Variants in RTN1 observed in about 807,000 individuals in gnomAD.
RTN1 encodes the protein reticulon-1.
In RTN1, 25 loss-of-function variants were observed where a neutral mutation model predicts 65.5. The ratio of observed to expected loss-of-function variants is 0.38; its 90% CI spans 0.28 to 0.53. The LOEUF is 0.53. Ranked by LOEUF, RTN1 falls within the 20% of genes least tolerant of loss-of-function variation. The pLI is 0.79. For synonymous variants in RTN1, 471 were observed against 447.6 expected (o/e 1.05, Z -0.66); for missense variants, 983 against 1,025.4 (o/e 0.96, Z 0.57).
intron 1 of RTN1, among the ~76,000 whole-genome samples, chr14:59,746,688 A>T (rs532391996): frequency 6.6e-6 from 1 of 152,258 alleles, no homozygotes; most frequent in Admixed American, 6.5e-5. Context: ...TTTTCCAGTA[A>T]CAGACCCCAG....
intron 3 of RTN1, among the ~76,000 whole-genome samples, chr14:59,652,797 CT>C (rs1193625044): frequency 3.3e-5 from 5 of 151,872 alleles, no homozygotes; most frequent in Admixed American, 6.6e-5. Flanking sequence ...CATGTACCCC[CT>C]GAATCTAAAA....
chr14:59,765,766 TG>T (rs906323899), intron 1 of RTN1, among the ~76,000 whole-genome samples: 1 of 151,802 alleles, frequency 6.6e-6, no homozygotes, highest in Non-Finnish European at 1.5e-5. Context: ...TAAATGCTCA[TG>T]GTTTTTTTTT....
At chr14:59,751,429 G>A (rs995324296) in intron 1 of RTN1, among the ~76,000 whole-genome samples, 4 of 151,978 alleles carry the variant, frequency 2.6e-5, no homozygotes, top group African/African-American at 7.3e-5. Context: ...CCTCATTGGA[G>A]GCAGGGAAAT....
intron 1 of RTN1, among the ~76,000 whole-genome samples, chr14:59,748,217 T>G (rs570430584): frequency 2.9e-4 from 44 of 151,626 alleles, no homozygotes; most frequent in Middle Eastern, 3.4e-3. Context: ...GAGGTTTTTT[T>G]TTTTTTTTTT....
intron 3 of RTN1, among the ~76,000 whole-genome samples, chr14:59,653,961 C>T (rs1039611565): frequency 6.6e-6 from 1 of 152,014 alleles, no homozygotes. Context: ...TGCAGTGGCA[C>T]AATATCGGCT....
At chr14:59,733,961 C>T (rs746621180) in intron 2 of RTN1, among the ~76,000 whole-genome samples, 124 of 152,146 alleles carry the variant, frequency 8.2e-4, no homozygotes, top group Non-Finnish European at 1.6e-3. Context: ...GGTCTCCAGC[C>T]ACCACCTACA....
intron 1 of RTN1, among the ~76,000 whole-genome samples, chr14:59,749,160 C>A (rs77355431): frequency 0.44 from 24,208 of 54,774 alleles, 6,309 homozygotes; most frequent in African/African-American, 0.67. Flanking sequence ...CTATCTATAT[C>A]TATCTATATA....
At chr14:59,688,903 T>C (rs947732847) in intron 3 of RTN1, among the ~76,000 whole-genome samples, 1 of 152,090 alleles carries the variant, frequency 6.6e-6, no homozygotes, top group Non-Finnish European at 1.5e-5. Context: ...ATTCCAGCAC[T>C]ATGACAAATC....
At chr14:59,671,680 C>T (rs551628536) in intron 3 of RTN1, among the ~76,000 whole-genome samples, 6 of 152,164 alleles carry the variant, frequency 3.9e-5, no homozygotes, top group Non-Finnish European at 5.9e-5. Flanking sequence ...CACCTACTGA[C>T]ACTTTCTAAC....
chr14:59,759,286 A>C (rs1885701571), intron 1 of RTN1, among the ~76,000 whole-genome samples: 1 of 152,202 alleles, frequency 6.6e-6, no homozygotes, highest in Non-Finnish European at 1.5e-5. Flanking sequence ...TGCTCTGCAC[A>C]CTTAGTAAAT....
At chr14:59,699,164 T>C (rs1023161945) in intron 3 of RTN1, among the ~76,000 whole-genome samples, 5 of 152,126 alleles carry the variant, frequency 3.3e-5, no homozygotes, top group African/African-American at 9.7e-5. Flanking sequence ...CTTTTATCCT[T>C]TGAGCGCAGG....
chr14:59,815,251 G>A (rs1451080323), intron 1 of RTN1, among the ~76,000 whole-genome samples: 1 of 152,160 alleles, frequency 6.6e-6, no homozygotes, highest in Admixed American at 6.5e-5. Flanking sequence ...AACAAAAATA[G>A]AATTTTCCCT....
intron 1 of RTN1, among the ~76,000 whole-genome samples, chr14:59,770,378 CA>C (rs774086177): frequency 0.01 from 553 of 53,716 alleles, 22 homozygotes; most frequent in African/African-American, 0.043. Flanking sequence ...AACTCTGCCT[CA>C]AAAAAAAAAA....
rs568254673 is a variant in RTN1 at position 59,792,831 on chromosome 14, A to G, written c.242-46350T>C. On this transcript the variant is annotated intron_variant, in intron 1 of 8. Transcript: ENST00000267484. ...AGATTTCCTAGGAGTTCTAGTAAAT[A>G]TTTTTCTTAGTGAAGGGAATTATTA... is the stretch of plus-strand genomic sequence containing the variant. Among the ~76,000 whole-genome samples, 330 of 152,116 alleles carry G rather than the reference A, an allele frequency of 2.2e-3. 1 individual carries two copies. The highest frequency in any genetic ancestry group is 4.2e-3 in the Non-Finnish European group (285 of 68,010).
chr14:59,847,360 T>C (rs992223597), intron 1 of RTN1, among the ~76,000 whole-genome samples: 3 of 152,232 alleles, frequency 2.0e-5, no homozygotes, highest in African/African-American at 7.2e-5. Context: ...AATATTTTTA[T>C]CTACCAATAG....
In RTN1 at chr14:59,870,575, G is replaced by T; in HGVS notation, c.56C>A (p.Ser19Tyr). 1 of 1,451,830 alleles carries T rather than the reference G, an allele frequency of 6.9e-7. No individual in the cohort carries two copies. 89.9% of individuals were successfully genotyped at this position (1,451,830 alleles called of 1,614,324 possible). A position where few individuals can be genotyped will look rare whatever the true frequency, so the allele number is the denominator to read the frequency against. The change falls in exon 1 of 9, where the codon TCC becomes TAC. Residue 19 changes from serine to tyrosine, a missense_variant. By Grantham distance (144) the Ser-to-Tyr change is moderately radical. Coordinates refer to ENST00000267484, the MANE Select transcript of RTN1 (RefSeq NM_021136.3). The surrounding 1 kb of genome is among the most constrained non-coding windows in gnomAD (Gnocchi z 5.1). The stretch of plus-strand genomic sequence containing the variant: ...CTCCCCCCGGTGCCTGAGCCACTGG[G>T]ACCCGGGGCCGGCCAGCGGCAGCAG... ...DELLPLAGPG[S>Y]QWLRHRGEGE...
chr14:59,611,713 TCTC>T (rs752113979), intron 3 of RTN1, among the ~76,000 whole-genome samples: 7 of 152,134 alleles, frequency 4.6e-5, no homozygotes, highest in Non-Finnish European at 7.4e-5. Context: ...TTGGGAGACT[TCTC>T]CTCAATCAGG....
chr14:59,608,700 C>T (rs1311399475), intron 3 of RTN1, among the ~76,000 whole-genome samples: 1 of 152,152 alleles, frequency 6.6e-6, no homozygotes, highest in Non-Finnish European at 1.5e-5. Flanking sequence ...CCACCCACCA[C>T]CACTACCTGG....
chr14:59,801,063 G>A (rs1395195401), intron 1 of RTN1, among the ~76,000 whole-genome samples: 2 of 152,078 alleles, frequency 1.3e-5, no homozygotes, highest in South Asian at 2.1e-4. Flanking sequence ...GAAAAAGAAT[G>A]GGGGAGGAAA....
Sources: allele counts gnomAD v4.1 joint callset (sites outside exome capture counted in the v4.1 genomes callset), GRCh38; gene constraint gnomAD v4.1.1; non-coding constraint Gnocchi (gnomAD v3.1); transcripts MANE v1.5; gene names NCBI Gene and HGNC (gene_info 2026-07-23, HGNC 2026-07-21).